The following GALNT13 variants were observed in gnomAD, a reference collection of about 807,000 sequenced individuals.
GALNT13 encodes the protein UDP-GalNAc:polypeptide N-acetylgalactosaminyltransferase 13.
In GALNT13, 28 loss-of-function variants were observed where a neutral mutation model predicts 64.2. That is an observed-to-expected ratio of 0.44 (90% confidence interval 0.32 to 0.60). The LOEUF (loss-of-function observed/expected upper bound fraction) is 0.60. Ranked by LOEUF, GALNT13 falls within the 20% of genes least tolerant of loss-of-function variation. The pLI is 0.05. For synonymous variants in GALNT13, 214 were observed against 224.6 expected (o/e 0.95, Z 0.42); for missense variants, 577 against 669.8 (o/e 0.86, Z 1.53).
At chr2:154,300,614 C>T (rs974235032) in intron 8 of GALNT13, among the ~76,000 whole-genome samples, 7 of 151,216 alleles carry the variant, frequency 4.6e-5, no homozygotes, top group Non-Finnish European at 1.0e-4. Context: ...TGTGTATGCA[C>T]ATATATAGAA....
In GALNT13 at chr2:154,225,195, T is replaced by G. The variant is rs150253993; in HGVS notation, c.312-16835T>G. Among the ~76,000 whole-genome samples the G allele has an allele frequency of 3.7e-4, 55 of 147,702 alleles. 1 individual carries two copies. The East Asian group carries it at 0.011, about 29-fold the overall frequency. ...ATAGATAGATAGATAGATAGATAGA[T>G]ACAGAGACTGAGAGACTGAGAGAAA... On this transcript the variant is annotated intron_variant, in intron 4 of 12. Transcript: ENST00000392825.
the GALNT13 span, among the ~76,000 whole-genome samples, chr2:153,150,445 T>A: frequency 6.6e-6 from 1 of 152,150 alleles, no homozygotes; most frequent in South Asian, 2.1e-4. Flanking sequence ...CTGATGGTAG[T>A]TTCTTTTGCT....
intron 8 of GALNT13, among the ~76,000 whole-genome samples, chr2:154,266,796 T>A (rs73965417): frequency 0.017 from 2,555 of 151,820 alleles, 68 homozygotes; most frequent in African/African-American, 0.057. Context: ...ACTATTGCAT[T>A]GAATCTATAT....
At chr2:153,250,294 G>T in the GALNT13 span, among the ~76,000 whole-genome samples, 1 of 152,146 alleles carries the variant, frequency 6.6e-6, no homozygotes, top group Non-Finnish European at 1.5e-5. Context: ...GCTCATCATC[G>T]CTGGTCATTA....
At chr2:154,179,044 T>G (rs1008823867) in intron 4 of GALNT13, among the ~76,000 whole-genome samples, 2 of 152,162 alleles carry the variant, frequency 1.3e-5, no homozygotes, top group African/African-American at 4.8e-5. Flanking sequence ...GGCGTTCCCT[T>G]TGGTAAGATT....
At chr2:153,780,568 C>G in the GALNT13 span, among the ~76,000 whole-genome samples, 6 of 152,044 alleles carry the variant, frequency 3.9e-5, no homozygotes, top group Admixed American at 3.9e-4. Flanking sequence ...GAAACTCTTG[C>G]TCTGTCTACC....
At chr2:153,975,892 T>C (rs553106725) in intron 3 of GALNT13, among the ~76,000 whole-genome samples, 2 of 152,252 alleles carry the variant, frequency 1.3e-5, no homozygotes, top group East Asian at 3.9e-4. Context: ...ATTGTCATAA[T>C]GATTTCACAA....
At chr2:153,881,302 C>T (rs1399265698) in intron 1 of GALNT13, among the ~76,000 whole-genome samples, 1 of 152,158 alleles carries the variant, frequency 6.6e-6, no homozygotes, top group African/African-American at 2.4e-5. Flanking sequence ...AGATTACTGA[C>T]TTCACATCAA....
the GALNT13 span, among the ~76,000 whole-genome samples, chr2:153,565,790 A>G: frequency 2.6e-5 from 4 of 152,202 alleles, no homozygotes; most frequent in South Asian, 8.3e-4. Flanking sequence ...TTGTGCATAC[A>G]CATACCCCTC....
intron 11 of GALNT13, among the ~76,000 whole-genome samples, chr2:154,427,834 A>G (rs1232281152): frequency 6.6e-6 from 1 of 152,220 alleles, no homozygotes; most frequent in Admixed American, 6.5e-5. Flanking sequence ...GCATAGGAAA[A>G]GGTACTGTCT....
chr2:153,837,147 C>A, the GALNT13 span, among the ~76,000 whole-genome samples: 2 of 151,734 alleles, frequency 1.3e-5, no homozygotes, highest in Non-Finnish European at 2.9e-5. Flanking sequence ...GTTCCTATTT[C>A]TCCACAACCT....
the GALNT13 span, among the ~76,000 whole-genome samples, chr2:153,603,931 T>G: frequency 1.3e-5 from 2 of 152,024 alleles, no homozygotes; most frequent in East Asian, 3.9e-4. Context: ...GTGTATGTCA[T>G]TATCTGCTGT....
chr2:153,988,782 AT>A (rs1694977446), intron 3 of GALNT13, among the ~76,000 whole-genome samples: 1 of 151,990 alleles, frequency 6.6e-6, no homozygotes, highest in African/African-American at 2.4e-5. Flanking sequence ...AAAGTGACAT[AT>A]TTTTAAGTCT....
At chr2:153,505,566 T>C in the GALNT13 span, among the ~76,000 whole-genome samples, 4 of 152,166 alleles carry the variant, frequency 2.6e-5, no homozygotes, top group African/African-American at 9.6e-5. Context: ...GTCACTATTA[T>C]TGCTCAGTTC....
At chr2:153,783,868 G>A in the GALNT13 span, among the ~76,000 whole-genome samples, 3 of 152,150 alleles carry the variant, frequency 2.0e-5, no homozygotes, top group Non-Finnish European at 4.4e-5. Flanking sequence ...TCCCAGCCAT[G>A]CTGAACTGTG....
At chr2:154,262,357 A>G (rs1198731210) in intron 8 of GALNT13, among the ~76,000 whole-genome samples, 7 of 152,182 alleles carry the variant, frequency 4.6e-5, no homozygotes, top group African/African-American at 1.7e-4. Context: ...GCTAACATGC[A>G]AATACAAGCT....
the GALNT13 span, among the ~76,000 whole-genome samples, chr2:153,189,126 A>G: frequency 3.3e-4 from 50 of 152,150 alleles, no homozygotes; most frequent in Non-Finnish European, 5.7e-4. Flanking sequence ...TCCTTTCCAG[A>G]CAGTTTTTAT....
At chr2:153,583,570 G>A in the GALNT13 span, among the ~76,000 whole-genome samples, 1 of 152,102 alleles carries the variant, frequency 6.6e-6, no homozygotes, top group African/African-American at 2.4e-5. Context: ...GCCTTTTTGT[G>A]GTCCACTTTC....
the GALNT13 span, among the ~76,000 whole-genome samples, chr2:153,620,534 A>G: frequency 6.6e-6 from 1 of 151,832 alleles, no homozygotes; most frequent in Non-Finnish European, 1.5e-5. Flanking sequence ...TGCTTGATCA[A>G]TTCTGCTACC....
Sources: gnomAD v4.1 joint callset for allele counts (sites outside exome capture counted in the v4.1 genomes callset) on GRCh38, gnomAD v4.1.1 for gene constraint, MANE v1.5 for transcripts, NCBI Gene and HGNC (gene_info 2026-07-23, HGNC 2026-07-21) for gene names.